Variants in DCDC1 observed in about 807,000 individuals in gnomAD.
DCDC1 encodes the protein doublecortin domain containing 1, also known as doublecortin domain-containing protein 1.
DCDC1 carries 200 observed loss-of-function variants against 178.3 expected under a neutral mutation model. That is an observed-to-expected ratio of 1.12 (90% confidence interval 1.00 to 1.26). The LOEUF is 1.26. Ranked by LOEUF, DCDC1 falls within the 50% of genes most tolerant of loss-of-function variation. The pLI is 0.00. For synonymous variants in DCDC1, 690 were observed against 604.8 expected (o/e 1.14, Z -2.07); for missense variants, 1,983 against 1,749.2 (o/e 1.13, Z -2.38).
At chr11:31,148,941 T>C (rs1016320830) in intron 9 of DCDC1, among the ~76,000 whole-genome samples, 6 of 152,092 alleles carry the variant, frequency 3.9e-5, no homozygotes, top group African/African-American at 1.4e-4. Flanking sequence ...ATTACTCTTA[T>C]GCCTTCCCAT....
intron 17 of DCDC1, among the ~76,000 whole-genome samples, chr11:31,081,818 T>C (rs1294811518): frequency 5.9e-5 from 9 of 152,166 alleles, no homozygotes; most frequent in Admixed American, 5.2e-4. Flanking sequence ...TCTATAAATG[T>C]TGTCCCTAAA....
At chr11:31,284,304 C>G (rs1267857615) in intron 7 of DCDC1, among the ~76,000 whole-genome samples, 2 of 152,072 alleles carry the variant, frequency 1.3e-5, no homozygotes, top group Non-Finnish European at 1.5e-5. Flanking sequence ...TCTTAAACAT[C>G]AGAAAATGGG....
chr11:31,202,235 T>G (rs1971370254), intron 9 of DCDC1, among the ~76,000 whole-genome samples: 1 of 152,172 alleles, frequency 6.6e-6, no homozygotes, highest in Non-Finnish European at 1.5e-5. Flanking sequence ...CTAGCCATTC[T>G]CTTTTAATTT....
intron 9 of DCDC1, among the ~76,000 whole-genome samples, chr11:31,195,335 T>G (rs1399706943): frequency 6.6e-6 from 1 of 151,962 alleles, no homozygotes; most frequent in African/African-American, 2.4e-5. Flanking sequence ...TGATCAAGAG[T>G]AACTAAATGG....
chr11:31,213,139 C>CTCTCTCTCTCTT (rs1565442417), intron 9 of DCDC1, among the ~76,000 whole-genome samples: 42 of 140,494 alleles, frequency 3.0e-4, no homozygotes, highest in Non-Finnish European at 4.9e-4. Flanking sequence ...CTCTCTCTCT[C>CTCTCTCTCTCTT]TCTCTCTCTC....
At chr11:31,142,316 G>A (rs1963919885) in intron 9 of DCDC1, among the ~76,000 whole-genome samples, 1 of 152,148 alleles carries the variant, frequency 6.6e-6, no homozygotes, top group South Asian at 2.1e-4. Context: ...TTGCCTACCT[G>A]TCCACAAAAA....
At chr11:30,998,543 G>T (rs543550072) in intron 20 of DCDC1, among the ~76,000 whole-genome samples, 1 of 152,070 alleles carries the variant, frequency 6.6e-6, no homozygotes, top group African/African-American at 2.4e-5. Context: ...CCTTGCAAAA[G>T]AATTCCAATT....
Position 31,328,331 on chromosome 11 carries a change from T to C in DCDC1, c.-6-45A>G, listed in dbSNP as rs762497657. 13 of 1,496,440 alleles carry C rather than the reference T, an allele frequency of 8.7e-6. No individual in the cohort carries two copies. The South Asian group carries it at 1.8e-4, about 20-fold the overall frequency. The allele number at this position is 1,496,440 out of a possible 1,614,324, so 92.7% of individuals were successfully genotyped here. A position where few individuals can be genotyped will look rare whatever the true frequency, so the allele number is the denominator to read the frequency against. ...TTATTTAATTTTAAATGTAAAATCC[T>C]ACTAGATTACAAATAGAGGCTGGGC... On this transcript the variant is annotated intron_variant, in intron 2 of 38. Coordinates refer to ENST00000684477, the MANE Select transcript of DCDC1 (RefSeq NM_001387274.1).
intron 20 of DCDC1, among the ~76,000 whole-genome samples, chr11:31,054,405 C>A (rs752161394): frequency 6.6e-6 from 1 of 152,130 alleles, no homozygotes; most frequent in Non-Finnish European, 1.5e-5. Flanking sequence ...GTGAAAATGA[C>A]CATATTGCCA....
At chr11:31,178,366 T>C (rs1187839472) in intron 9 of DCDC1, among the ~76,000 whole-genome samples, 1 of 152,184 alleles carries the variant, frequency 6.6e-6, no homozygotes, top group African/African-American at 2.4e-5. Flanking sequence ...AGATCCTACC[T>C]TTCACAAAAA....
At chr11:30,949,230 T>C (rs1948255345) in intron 21 of DCDC1, among the ~76,000 whole-genome samples, 2 of 152,220 alleles carry the variant, frequency 1.3e-5, no homozygotes, top group South Asian at 4.1e-4. Flanking sequence ...AAGACAATTG[T>C]GCAGCCAACA....
chr11:30,955,149 A>G (rs959909327), intron 20 of DCDC1, among the ~76,000 whole-genome samples: 2 of 151,878 alleles, frequency 1.3e-5, no homozygotes, highest in Admixed American at 6.6e-5. Context: ...TCTTTTGAAA[A>G]CCTTTCTTGT....
intron 3 of DCDC1, 42 bp downstream of exon 3, chr11:31,328,075 C>G (rs764755835): frequency 1.3e-6 from 2 of 1,539,142 alleles, no homozygotes; most frequent in East Asian, 2.3e-5. Flanking sequence ...CACTTTTATC[C>G]CCTTCAGTAT....
At chr11:31,042,720 G>A (rs1033490652) in intron 20 of DCDC1, among the ~76,000 whole-genome samples, 3 of 152,100 alleles carry the variant, frequency 2.0e-5, no homozygotes, top group African/African-American at 7.2e-5. Context: ...GGTTGTGGAC[G>A]TTGCTTCTTG....
At chr11:30,910,415 C>T (rs1191360717) in intron 28 of DCDC1, among the ~76,000 whole-genome samples, 1 of 152,106 alleles carries the variant, frequency 6.6e-6, no homozygotes, top group Non-Finnish European at 1.5e-5. Context: ...ATTTTTTAGT[C>T]CATATTTATC....
chr11:31,100,052 C>G (rs910604218), intron 15 of DCDC1, among the ~76,000 whole-genome samples: 5 of 152,094 alleles, frequency 3.3e-5, no homozygotes, highest in African/African-American at 4.8e-5. Context: ...ATTGAACATG[C>G]CAAACCCTGT....
At chr11:31,337,290 G>T (rs771135542) in intron 1 of DCDC1, among the ~76,000 whole-genome samples, 11 of 152,192 alleles carry the variant, frequency 7.2e-5, no homozygotes, top group Non-Finnish European at 1.5e-4. Context: ...ATCCCAAACT[G>T]AAACTATAAA....
At chr11:31,076,593 C>T (rs1385372472) in intron 18 of DCDC1, among the ~76,000 whole-genome samples, 4 of 152,126 alleles carry the variant, frequency 2.6e-5, no homozygotes, top group Non-Finnish European at 4.4e-5. Flanking sequence ...GCAATCCTGC[C>T]TTGGCTTCCC....
chr11:30,900,795 TAAA>T (rs911541604), intron 32 of DCDC1, among the ~76,000 whole-genome samples: 4 of 151,826 alleles, frequency 2.6e-5, no homozygotes, highest in African/African-American at 9.7e-5. Context: ...AAAATAGAGA[TAAA>T]AAAATCAAGC....
Sources: allele counts gnomAD v4.1 joint callset (sites outside exome capture counted in the v4.1 genomes callset), GRCh38; gene constraint gnomAD v4.1.1; transcripts MANE v1.5; gene names NCBI Gene and HGNC (gene_info 2026-07-23, HGNC 2026-07-21).